NFYB: variants seen among roughly 807,000 people sequenced by gnomAD.
NFYB encodes the protein nuclear transcription factor Y subunit beta.
In NFYB, 13 loss-of-function variants were observed where a neutral mutation model predicts 28.0. The observed-to-expected ratio is 0.46, with a 90% CI of 0.30 to 0.74. NFYB has a LOEUF of 0.74. Among genes scored for constraint, NFYB ranks in the 30% least tolerant of loss-of-function variants. The pLI, the probability that NFYB is intolerant of heterozygous loss-of-function variation, is 0.07. For synonymous variants in NFYB, 74 were observed against 75.0 expected (o/e 0.99, Z 0.07); for missense variants, 142 against 247.6 (o/e 0.57, Z 2.86).
intron 1 of NFYB, among the ~76,000 whole-genome samples, chr12:104,136,428 C>T (rs2031102398): frequency 6.6e-6 from 1 of 152,074 alleles, no homozygotes; most frequent in East Asian, 1.9e-4. Context: ...GTTTTTAATG[C>T]CACTAAAAAG....
chr12:104,126,540 T>C (rs1327726251), intron 3 of NFYB, among the ~76,000 whole-genome samples: 1 of 152,214 alleles, frequency 6.6e-6, no homozygotes, highest in Non-Finnish European at 1.5e-5. Flanking sequence ...TCAAAAATGA[T>C]CTTTTCTTTC....
chr12:104,123,259 T>C lies in NFYB; in HGVS notation c.396A>G (p.Glu132=). The C allele has an allele frequency of 1.2e-6, 2 of 1,613,706 alleles. No homozygotes were observed. The highest frequency in any genetic ancestry group is 1.7e-6 in the Non-Finnish European group (2 of 1,179,884). The change falls in exon 5 of 8, where the codon GAA becomes GAG. Residue 132 remains glutamate, a synonymous_variant. Transcript: ENST00000240055. ...MSTLGFDSYV[E]PLKLYLQKFR... ...ATTTCTGAAGGTATAATTTCAGAGG[T>C]TCCACATAACTGTCAAAGCCTAAAG... is the stretch of plus-strand genomic sequence containing the variant.
chr12:104,132,370 CAA>C (rs2030956004), intron 2 of NFYB, among the ~76,000 whole-genome samples: 1 of 151,598 alleles, frequency 6.6e-6, no homozygotes, highest in Non-Finnish European at 1.5e-5. Context: ...AAGAGGAAAT[CAA>C]AGAGTTTTAA....
intron 1 of NFYB, chr12:104,137,694 CG>C (rs1333795747): frequency 6.7e-5 from 10 of 148,540 alleles, no homozygotes; most frequent in Non-Finnish European, 1.4e-4. Context: ...AGGGCGCCCC[CG>C]GGGACTCGCG....
At chr12:104,135,365 C>A in intron 2 of NFYB, 83 bp downstream of exon 2, 1 of 1,217,898 alleles carries the variant, frequency 8.2e-7, no homozygotes, top group Non-Finnish European at 1.2e-6. Flanking sequence ...CCAGGCACCT[C>A]CAGTATAAAT....
chr12:104,129,913 T>C (rs571283346), intron 2 of NFYB, among the ~76,000 whole-genome samples: 2 of 152,124 alleles, frequency 1.3e-5, no homozygotes, highest in Admixed American at 6.5e-5. Context: ...TGTATAAAGA[T>C]AGGAAAATTA....
At chr12:104,130,225 T>C (rs1402278667) in intron 2 of NFYB, among the ~76,000 whole-genome samples, 3 of 152,346 alleles carry the variant, frequency 2.0e-5, no homozygotes, top group Non-Finnish European at 2.9e-5. Context: ...ACAAAGAAAT[T>C]TGACCCTTCA....
intron 3 of NFYB, among the ~76,000 whole-genome samples, chr12:104,126,839 A>C (rs1004533229): frequency 1.4e-4 from 22 of 152,366 alleles, no homozygotes; most frequent in African/African-American, 4.8e-4. Context: ...GTAAAAGTCT[A>C]TATAAAACTT....
rs1311996665 is a variant in NFYB at position 104,117,097 on chromosome 12, AT to A, written c.*2639del. ...CAATGTTTACAAAATTATAAAAAAC[AT>A]TTTTATGATAGGTTAACATGGGAGC... On this transcript the variant is annotated 3_prime_UTR_variant, in exon 8 of 8. Transcript: ENST00000240055. 9 of 152,300 alleles carry A rather than the reference AT, an allele frequency of 5.9e-5. No homozygotes were observed. In the South Asian group the frequency reaches 1.7e-3, roughly 28 times the overall value. The allele number at this position is 152,300 out of a possible 1,614,324, so 9.4% of individuals were successfully genotyped here.
intron 3 of NFYB, among the ~76,000 whole-genome samples, chr12:104,127,858 A>G (rs2030779543): frequency 6.6e-6 from 1 of 151,396 alleles, no homozygotes; most frequent in African/African-American, 2.4e-5. Flanking sequence ...TAATTTTTTA[A>G]TTTTTTTGTA....
At chr12:104,128,720 G>A (rs2030815713) in intron 2 of NFYB, 3 of 267,050 alleles carry the variant, frequency 1.1e-5, no homozygotes. Context: ...AGGCTGGAGT[G>A]CAGTGGCGTG....
chr12:104,130,235 A>T (rs2030873869), intron 2 of NFYB, among the ~76,000 whole-genome samples: 1 of 152,254 alleles, frequency 6.6e-6, no homozygotes, highest in South Asian at 2.1e-4. Context: ...TTGACCCTTC[A>T]TTAAGGCCCA....
chr12:104,126,069 G>A lies in NFYB; in HGVS notation c.231+45C>T, dbSNP rs369301775. On this transcript the variant is annotated intron_variant, in intron 4 of 7. Transcript: ENST00000240055. The stretch of plus-strand genomic sequence containing the variant: ...ATGACCTATGAATTCATGTAGTTTC[G>A]TGTTTCCCTTGAAAAAACCTAGTTA... 387 of 1,515,028 alleles carry A rather than the reference G, an allele frequency of 2.6e-4. 2 individuals carry two copies. In the South Asian group the frequency reaches 4.7e-3, roughly 18 times the overall value. 93.8% of individuals were successfully genotyped at this position (1,515,028 alleles called of 1,614,324 possible).
intron 7 of NFYB, 77 bp from the exon 8 acceptor site, chr12:104,119,846 C>G: frequency 1.1e-6 from 1 of 914,948 alleles, no homozygotes; most frequent in South Asian, 1.5e-5. Flanking sequence ...TATAAAAATT[C>G]AGTGAATAAA....
rs2030545367 is a variant in NFYB, at chr12:104,123,162, C to CGATA, written c.429+60_429+63dup. 5 of 1,266,260 alleles carry CGATA rather than the reference C, an allele frequency of 3.9e-6. No individual in the cohort carries two copies. In the South Asian group the frequency reaches 5.7e-5, roughly 14 times the overall value. 78.4% of individuals were successfully genotyped at this position (1,266,260 alleles called of 1,614,324 possible). On this transcript the variant is annotated intron_variant, in intron 5 of 7. Coordinates refer to ENST00000240055, the MANE Select transcript of NFYB (RefSeq NM_006166.4). Reference sequence around the variant, plus strand: ...CTGTACTCCAGCCTGGGCAACAGAGCGATACTCCACCTCAAAAAAAAAAAG... The same window carrying CGATA: ...CTGTACTCCAGCCTGGGCAACAGAGCGATAGATACTCCACCTCAAAAAAAAAAAG...
rs1254249334 is a variant in NFYB, at chr12:104,119,101, T to C, written c.*636A>G. 1.3e-5 allele frequency: 2 copies of C among 152,594 alleles called. No homozygotes were observed. Among genetic ancestry groups the C allele is most frequent in the Non-Finnish European group, 2.9e-5 (2 of 68,042 alleles). 9.5% of individuals were successfully genotyped at this position (152,594 alleles called of 1,614,324 possible). A position where few individuals can be genotyped will look rare whatever the true frequency, so the allele number is the denominator to read the frequency against. On this transcript the variant is annotated 3_prime_UTR_variant, in exon 8 of 8. Coordinates refer to ENST00000240055, the MANE Select transcript of NFYB (RefSeq NM_006166.4). ...GCACGATGAACAGTGTAAACACTGT[T>C]AATGGGCACCAAGTTTAACAGGGCA...
At chr12:104,128,970 T>C (rs754637580) in intron 2 of NFYB, among the ~76,000 whole-genome samples, 6 of 152,186 alleles carry the variant, frequency 3.9e-5, no homozygotes, top group Non-Finnish European at 5.9e-5. Flanking sequence ...AACCAGCCTA[T>C]ATTTCTTGAT....
chr12:104,124,965 A>G (rs373278323), intron 4 of NFYB, among the ~76,000 whole-genome samples: 1 of 152,220 alleles, frequency 6.6e-6, no homozygotes, highest in Non-Finnish European at 1.5e-5. Context: ...AAACTATAAA[A>G]TGACAGAAAA....
At chr12:104,132,631 A>T (rs1044509897) in intron 2 of NFYB, among the ~76,000 whole-genome samples, 2 of 152,184 alleles carry the variant, frequency 1.3e-5, no homozygotes, top group Non-Finnish European at 2.9e-5. Flanking sequence ...ACTGATAGAG[A>T]TACAGGAAGA....
Sources: allele counts gnomAD v4.1 joint callset (sites outside exome capture counted in the v4.1 genomes callset), GRCh38; gene constraint gnomAD v4.1.1; transcripts MANE v1.5; gene names NCBI Gene and HGNC (gene_info 2026-07-23, HGNC 2026-07-21).